The following C10orf105 variants were observed in gnomAD, a reference collection of about 807,000 sequenced individuals.
C10orf105 encodes the protein uncharacterized protein C10orf105.
C10orf105 carries 2 observed loss-of-function variants against 0.6 expected under a neutral mutation model. The observed-to-expected ratio is 3.18, with a 90% CI of 1.30 to 10.01. C10orf105 has a LOEUF of 10.01. Ranked by LOEUF, C10orf105 falls within the 30% of genes most tolerant of loss-of-function variation. The probability of loss-of-function intolerance (pLI) is 0.04; values close to 1 mark genes in which losing one functional copy is unlikely to be tolerated. For missense variants in C10orf105, 209 were observed against 191.4 expected, an observed-to-expected ratio of 1.09 and a Z score of -0.54; for synonymous variants, 95 against 82.4, an observed-to-expected ratio of 1.15 and a Z score of -0.83.
In C10orf105 at chr10:71,713,597, C is replaced by T; in HGVS notation, c.*2339G>A. The T allele has an allele frequency of 5.2e-6, 2 of 381,494 alleles. No homozygotes were observed. Among genetic ancestry groups the T allele is most frequent in the South Asian group, 5.7e-5 (2 of 35,126 alleles). The allele number at this position is 381,494 out of a possible 1,614,324, so 23.6% of individuals were successfully genotyped here. A position where few individuals can be genotyped will look rare whatever the true frequency, so the allele number is the denominator to read the frequency against. On this transcript the variant is annotated 3_prime_UTR_variant, in exon 2 of 2. Coordinates refer to ENST00000441508, the MANE Select transcript of C10orf105 (RefSeq NM_001164375.3). ...AGCTGACTCCCAGAAACACAGAGAG[C>T]CCAGAAAGCCCTGAGGATTTGCGAG... is the stretch of plus-strand genomic sequence containing the variant.
chr10:71,715,903 G>A lies in C10orf105; in HGVS notation c.*33C>T, dbSNP rs936829120. On this transcript the variant is annotated 3_prime_UTR_variant, in exon 2 of 2. Transcript: ENST00000441508. ...GCAGGAGGATCTACAGGTAGACCTA[G>A]GGGGATGTGGGGGCATGTTTGTGGA... The A allele has an allele frequency of 6.9e-6, 10 of 1,444,026 alleles. No homozygotes were observed. Among genetic ancestry groups the A allele is most frequent in the South Asian group, 1.5e-5 (1 of 67,246 alleles). The allele number at this position is 1,444,026 out of a possible 1,614,324, so 89.5% of individuals were successfully genotyped here.
upstream of C10orf105, among the ~76,000 whole-genome samples, chr10:71,723,589 C>T (rs186071425): frequency 8.5e-5 from 13 of 152,176 alleles, no homozygotes; most frequent in Admixed American, 4.6e-4. Context: ...TGTACAGTGC[C>T]GGCTGGGACC....
intron 1 of C10orf105, chr10:71,725,470 A>C: frequency 6.2e-7 from 1 of 1,613,972 alleles, no homozygotes; most frequent in Non-Finnish European, 8.5e-7. Context: ...CCACGTGCTG[A>C]TAGTGGAGGC....
chr10:71,712,419 T>TCACA lies in C10orf105; in HGVS notation c.*3516_*3517insTGTG. The TCACA allele has an allele frequency of 2.1e-6, 1 of 468,936 alleles. No homozygotes were observed. The highest frequency in any genetic ancestry group is 3.5e-5 in the Admixed American group (1 of 28,472). 29.0% of individuals were successfully genotyped at this position (468,936 alleles called of 1,614,324 possible). A position where few individuals can be genotyped will look rare whatever the true frequency, so the allele number is the denominator to read the frequency against. The stretch of plus-strand genomic sequence containing the variant: ...AAAATGGGGATGACAGTAAAGTGTC[T>TCACA]GCTTCATGGGGTTGCTGTGAGGACT... On this transcript the variant is annotated 3_prime_UTR_variant, in exon 2 of 2. Transcript: ENST00000441508.
intron 1 of C10orf105, among the ~76,000 whole-genome samples, chr10:71,726,771 G>T (rs1003978667): frequency 5.9e-5 from 9 of 152,240 alleles, no homozygotes; most frequent in Non-Finnish European, 1.3e-4. Context: ...CGAAGCTGGG[G>T]TTGGGTCTCC....
rs1589365303 is a variant in C10orf105, at chr10:71,715,806, T to C, written c.*130A>G. 4 of 887,752 alleles carry C rather than the reference T, an allele frequency of 4.5e-6. No individual in the cohort carries two copies. In the East Asian group the frequency reaches 1.3e-4, roughly 28 times the overall value. The allele number at this position is 887,752 out of a possible 1,614,324, so 55.0% of individuals were successfully genotyped here. On this transcript the variant is annotated 3_prime_UTR_variant, in exon 2 of 2. Coordinates refer to ENST00000441508, the MANE Select transcript of C10orf105 (RefSeq NM_001164375.3). Reference sequence around the variant, plus strand: ...CGCTGGCCTGGGCATGCAAGGAGCTTCGGGGGGTGAGTGTGTGTCCCAGAC... The same window carrying C: ...CGCTGGCCTGGGCATGCAAGGAGCTCCGGGGGGTGAGTGTGTGTCCCAGAC...
At chr10:71,724,831 A>G (rs1466395065) in intron 1 of C10orf105, among the ~76,000 whole-genome samples, 1 of 152,218 alleles carries the variant, frequency 6.6e-6, no homozygotes, top group Non-Finnish European at 1.5e-5. Context: ...GGGTAAAGTC[A>G]CTGCCCACAA....
At chr10:71,724,007 G>A (rs369569834), upstream of C10orf105, 11 of 1,550,692 alleles carry the variant, frequency 7.1e-6, no homozygotes, top group African/African-American at 2.7e-5. Context: ...CCTGCTGGGT[G>A]GCATTCAAGA....
intron 1 of C10orf105, chr10:71,732,311 C>A: frequency 2.5e-6 from 4 of 1,606,952 alleles, no homozygotes; most frequent in Non-Finnish European, 3.4e-6. Context: ...AACCAAATCA[C>A]GTACCGCTTC....
At chr10:71,727,659 A>G (rs1866877412) in intron 1 of C10orf105, among the ~76,000 whole-genome samples, 1 of 152,126 alleles carries the variant, frequency 6.6e-6, no homozygotes, top group African/African-American at 2.4e-5. Flanking sequence ...TGTTCACGAC[A>G]CATACACACA....
At chr10:71,732,802 T>C in intron 1 of C10orf105, 1 of 795,056 alleles carries the variant, frequency 1.3e-6, no homozygotes, top group Non-Finnish European at 1.6e-6. Flanking sequence ...GAAGTGTGTG[T>C]GGGGTTTTCC....
intron 1 of C10orf105, chr10:71,725,470 A>G: frequency 6.2e-7 from 1 of 1,613,972 alleles, no homozygotes; most frequent in South Asian, 1.1e-5. Context: ...CCACGTGCTG[A>G]TAGTGGAGGC....
At chr10:71,731,748 A>G (rs944758964) in intron 1 of C10orf105, among the ~76,000 whole-genome samples, 3 of 152,076 alleles carry the variant, frequency 2.0e-5, no homozygotes, top group African/African-American at 7.2e-5. Context: ...TTTCTGTCCT[A>G]TCTCTGGTGC....
Position 71,725,450 on chromosome 10 carries a change from G to A in C10orf105, c.-5-9108C>T, listed in dbSNP as rs765527342. On this transcript the variant is annotated intron_variant, in intron 1 of 1. Transcript: ENST00000398786. ...GGGCCCCGGCCCCTGGACCGGGAGC[G>A]GAACTCATCCCACGTGCTGATAGTG... 48 of 1,613,878 alleles carry A rather than the reference G, an allele frequency of 3.0e-5. No homozygotes were observed. Among genetic ancestry groups the A allele is most frequent in the Middle Eastern group, 3.3e-4 (2 of 6,084 alleles).
intron 1 of C10orf105, among the ~76,000 whole-genome samples, chr10:71,735,128 CT>C (rs560120275): frequency 1.7e-3 from 253 of 152,358 alleles, no homozygotes; most frequent in Non-Finnish European, 2.6e-3. Flanking sequence ...GCAGATGTGA[CT>C]GCAGTGGGGC....
chr10:71,729,661 G>A (rs1839289886), intron 1 of C10orf105, among the ~76,000 whole-genome samples: 2 of 152,146 alleles, frequency 1.3e-5, no homozygotes, highest in Non-Finnish European at 2.9e-5. Context: ...AGAGTACTGA[G>A]CACTGACATT....
intron 1 of C10orf105, chr10:71,732,728 CTGGTATCCTTCTG>C: frequency 8.5e-7 from 1 of 1,178,472 alleles, no homozygotes; most frequent in Non-Finnish European, 1.1e-6. Context: ...CCTATGCAGG[CTGGTATCCTTCTG>C]TTTTTCCTTC....
At chr10:71,733,274 C>T (rs1241830195) in intron 1 of C10orf105, among the ~76,000 whole-genome samples, 3 of 152,204 alleles carry the variant, frequency 2.0e-5, no homozygotes, top group Non-Finnish European at 2.9e-5. Flanking sequence ...GTGCCCTCCT[C>T]GGACATGCCA....
upstream of C10orf105, among the ~76,000 whole-genome samples, chr10:71,720,784 A>C (rs1234343198): frequency 6.6e-6 from 1 of 152,188 alleles, no homozygotes. Flanking sequence ...CTTCTGAGAG[A>C]AAAGAGCCCC....
Sources: gnomAD v4.1 joint callset for allele counts (sites outside exome capture counted in the v4.1 genomes callset) on GRCh38, gnomAD v4.1.1 for gene constraint, MANE v1.5 for transcripts, NCBI Gene and HGNC (gene_info 2026-07-23, HGNC 2026-07-21) for gene names.